KAT6B: variants seen among roughly 807,000 people sequenced by gnomAD.
KAT6B encodes the protein lysine acetyltransferase 6B.
A neutral mutation model predicts 187.5 loss-of-function variants in KAT6B; 10 were observed. That is an observed-to-expected ratio of 0.05 (90% CI 0.03 to 0.09). The LOEUF is 0.09. Among genes scored for constraint, KAT6B ranks in the 10% least tolerant of loss-of-function variants. The probability of loss-of-function intolerance (pLI) is 1.00; values close to 1 mark genes in which losing one functional copy is unlikely to be tolerated. For synonymous variants in KAT6B, 861 were observed against 926.8 expected, an observed-to-expected ratio of 0.93 and a Z score of 1.29; for missense variants, 1,952 against 2,558.9, an observed-to-expected ratio of 0.76 and a Z score of 5.12.
intron 11 of KAT6B, chr10:74,984,236 C>T (rs543761083): frequency 3.9e-5 from 6 of 152,272 alleles, no homozygotes; most frequent in East Asian, 1.9e-4. Flanking sequence ...GATGAGAACC[C>T]GTATGGTCCA....
In KAT6B at chr10:74,838,676, T is replaced by G. The variant is rs1023663706; in HGVS notation, c.-328-7T>G. Reference sequence around the variant, plus strand: ...CCAAATGAACATTTCCTTTTTTCTTTTGGCAGATTTGCCTGAAGACCTGGA... The same window carrying G: ...CCAAATGAACATTTCCTTTTTTCTTGTGGCAGATTTGCCTGAAGACCTGGA... On this transcript the variant is annotated splice_polypyrimidine_tract_variant and splice_region_variant and intron_variant, in intron 1 of 17. Transcript: ENST00000287239. 6.6e-6 allele frequency: 1 copy of G among 152,236 alleles called. No homozygotes were observed. The highest frequency in any genetic ancestry group is 1.5e-5 in the Non-Finnish European group (1 of 68,040). 9.4% of individuals were successfully genotyped at this position (152,236 alleles called of 1,614,324 possible). A position where few individuals can be genotyped will look rare whatever the true frequency, so the allele number is the denominator to read the frequency against.
At position 74,969,747 on chromosome 10, in the gene KAT6B, G is replaced by A; in HGVS notation, c.818G>A (p.Ser273Asn). 2 of 1,613,530 alleles carry A rather than the reference G, an allele frequency of 1.2e-6. No individual in the cohort carries two copies. The highest frequency in any genetic ancestry group is 1.7e-6 in the Non-Finnish European group (2 of 1,179,402). Residue 273 changes from serine to asparagine, a missense_variant, in exon 5 of 18, where the codon AGT becomes AAT. Around this residue, in one of 9 missense-constraint regions of KAT6B, gnomAD observed 24 missense variants for 42.7 expected, o/e 0.56. Coordinates refer to ENST00000287239, the MANE Select transcript of KAT6B (RefSeq NM_012330.4). ...CAGTGCATCGAATGCAAGACATGCAGTGCCTGTAGAGTCCAAGGCAGAAAT... is the reference window on the plus strand; with the variant it reads ...CAGTGCATCGAATGCAAGACATGCAATGCCTGTAGAGTCCAAGGCAGAAAT... The part of the protein sequence containing the change: ...RWQCIECKTC[S>N]ACRVQGRNAD...
intron 1 of KAT6B, among the ~76,000 whole-genome samples, chr10:74,838,201 T>C (rs1257454949): frequency 1.3e-5 from 2 of 152,228 alleles, no homozygotes; most frequent in African/African-American, 4.8e-5. Flanking sequence ...ATTGGTCATA[T>C]CTGGGTAGTC....
At chr10:74,852,549 A>G (rs1352317128) in intron 3 of KAT6B, among the ~76,000 whole-genome samples, 3 of 152,236 alleles carry the variant, frequency 2.0e-5, no homozygotes, top group Non-Finnish European at 4.4e-5. Flanking sequence ...GAGAGAGCAC[A>G]TGAATTGTCT....
chr10:75,018,428 C>T (rs1422770670), intron 13 of KAT6B, among the ~76,000 whole-genome samples: 1 of 152,220 alleles, frequency 6.6e-6, no homozygotes, highest in Non-Finnish European at 1.5e-5. Flanking sequence ...AAATGCTCCC[C>T]ATGGACCCCA....
intron 3 of KAT6B, among the ~76,000 whole-genome samples, chr10:74,897,819 T>C (rs977911672): frequency 1.3e-5 from 2 of 152,196 alleles, no homozygotes; most frequent in African/African-American, 4.8e-5. Flanking sequence ...AAATGAACAC[T>C]AGGAATCTAT....
chr10:74,988,336 T>C (rs773870879), intron 12 of KAT6B, among the ~76,000 whole-genome samples: 42 of 152,250 alleles, frequency 2.8e-4, no homozygotes, highest in Admixed American at 1.0e-3. Flanking sequence ...TTTCTTACCA[T>C]GTTCTACCCA....
At chr10:74,944,449 A>T (rs528488261) in intron 3 of KAT6B, among the ~76,000 whole-genome samples, 1 of 152,350 alleles carries the variant, frequency 6.6e-6, no homozygotes, top group Non-Finnish European at 1.5e-5. Flanking sequence ...AGATTCTAAC[A>T]GAAACTGTAC....
chr10:75,020,541 A>G (rs761467483), intron 13 of KAT6B, 41 bp from the exon 14 acceptor site: 1 of 1,379,786 alleles, frequency 7.2e-7, no homozygotes, highest in Admixed American at 1.7e-5. Flanking sequence ...AGCTCTGGGA[A>G]TGCCACAGTG....
chr10:74,840,550 G>A (rs1485325162), intron 2 of KAT6B, among the ~76,000 whole-genome samples: 1 of 152,228 alleles, frequency 6.6e-6, no homozygotes, highest in Non-Finnish European at 1.5e-5. Context: ...CTGTGCAACA[G>A]TGGGGTGAGC....
At chr10:74,907,257 A>C (rs1220591854) in intron 3 of KAT6B, among the ~76,000 whole-genome samples, 1 of 152,226 alleles carries the variant, frequency 6.6e-6, no homozygotes, top group African/African-American at 2.4e-5. Context: ...AATGGGCAAG[A>C]ACTTTCAGAA....
intron 13 of KAT6B, among the ~76,000 whole-genome samples, chr10:74,990,296 G>A (rs910647554): frequency 3.3e-5 from 5 of 150,238 alleles, no homozygotes; most frequent in Non-Finnish European, 5.9e-5. Flanking sequence ...TTAACTGAAA[G>A]GAGGAAAATT....
chr10:74,915,393 C>T (rs2132979724), intron 3 of KAT6B, among the ~76,000 whole-genome samples: 1 of 152,256 alleles, frequency 6.6e-6, no homozygotes, highest in Admixed American at 6.5e-5. Context: ...CTCATCTGTC[C>T]AGAACCCCTG....
intron 3 of KAT6B, among the ~76,000 whole-genome samples, chr10:74,901,216 T>A (rs1846370548): frequency 6.6e-6 from 1 of 152,206 alleles, no homozygotes; most frequent in Non-Finnish European, 1.5e-5. Context: ...ACTGAATGAA[T>A]GATGAAAAGG....
intron 13 of KAT6B, among the ~76,000 whole-genome samples, chr10:74,993,424 CT>C (rs1198447242): frequency 6.6e-6 from 1 of 152,142 alleles, no homozygotes; most frequent in East Asian, 1.9e-4. Flanking sequence ...CTCATATTTT[CT>C]TTTCAGAATC....
At chr10:74,835,028 AG>A (rs1841180599) in intron 1 of KAT6B, among the ~76,000 whole-genome samples, 1 of 152,230 alleles carries the variant, frequency 6.6e-6, no homozygotes, top group Admixed American at 6.5e-5. Flanking sequence ...GGGTATACAA[AG>A]ATGAATCAAG....
Position 75,029,208 on chromosome 10 carries a change from C to T in KAT6B, c.4384C>T (p.Leu1462Phe). ...VLENQETFLD[L>F]NVQPGHSNPE... is the part of the protein sequence containing the mutation. Reference sequence around the variant, plus strand: ...GGAAAACCAGGAGACTTTTTTAGACCTTAATGTGCAGCCTGGTCACTCGAA... The same window carrying T: ...GGAAAACCAGGAGACTTTTTTAGACTTTAATGTGCAGCCTGGTCACTCGAA... Residue 1462 changes from leucine (L) to phenylalanine (F), a missense_variant, in exon 18 of 18, where the codon CTT (leucine) becomes TTT (phenylalanine). By Grantham distance (22) the Leu-to-Phe change is conservative (BLOSUM62 0). This residue lies in a region of KAT6B where 758 missense variants were observed against 891.4 expected (regional missense o/e 0.85). Coordinates refer to ENST00000287239, the MANE Select transcript of KAT6B (RefSeq NM_012330.4). This position sits in a 1 kb window ranked among gnomAD's most constrained non-coding sequence, Gnocchi z 6.2. 1 of 1,614,068 alleles carries T rather than the reference C, an allele frequency of 6.2e-7. No homozygotes were observed. The highest frequency in any genetic ancestry group is 8.5e-7 in the Non-Finnish European group (1 of 1,180,014).
At chr10:74,957,042 T>C (rs1412759941) in intron 3 of KAT6B, among the ~76,000 whole-genome samples, 1 of 152,244 alleles carries the variant, frequency 6.6e-6, no homozygotes, top group Non-Finnish European at 1.5e-5. Context: ...AGAATCAAAT[T>C]GCCATTTACT....
chr10:74,926,453 C>G (rs546334291), intron 3 of KAT6B, among the ~76,000 whole-genome samples: 1 of 151,694 alleles, frequency 6.6e-6, no homozygotes, highest in African/African-American at 2.4e-5. Context: ...GACTCTGTCT[C>G]AAAAAACAAC....
Sources: gnomAD v4.1 joint callset for allele counts (sites outside exome capture counted in the v4.1 genomes callset) on GRCh38, gnomAD v4.1.1 for gene constraint, gnomAD v4.1.1 regional missense constraint, Gnocchi (gnomAD v3.1) non-coding constraint, MANE v1.5 for transcripts, NCBI Gene and HGNC (gene_info 2026-07-23, HGNC 2026-07-21) for gene names.